MYO7B: variants seen among roughly 807,000 people sequenced by gnomAD.
The protein encoded by MYO7B is unconventional myosin-VIIb.
MYO7B carries 212 observed loss-of-function variants against 259.7 expected under a neutral mutation model. The ratio of observed to expected loss-of-function variants is 0.82; its 90% CI spans 0.73 to 0.91. MYO7B has a LOEUF of 0.91. MYO7B is among the 40% of genes least tolerant of loss of function. The pLI is 0.00. For synonymous variants in MYO7B, 1,197 were observed against 1,166.4 expected, an observed-to-expected ratio of 1.03 and a Z score of -0.54; for missense variants, 2,732 against 2,813.5, an observed-to-expected ratio of 0.97 and a Z score of 0.66.
At chr2:127,632,060 G>A (rs1192276880) in intron 38 of MYO7B, among the ~76,000 whole-genome samples, 186 bp from the exon 39 acceptor site, 4 of 152,230 alleles carry the variant, frequency 2.6e-5, no homozygotes, top group Non-Finnish European at 5.9e-5. Flanking sequence ...CCCCCATCTT[G>A]AGGGTGTGAA....
At position 127,614,749 on chromosome 2, in the gene MYO7B, A is replaced by G. The variant is rs1680507416; in HGVS notation, c.3398+2146A>G. ...ATGGGCCACAGATCTCTCTATCCCC[A>G]TGAAGTCCCTTCCAGGAATCACATT... On this transcript the variant is annotated intron_variant, in intron 26 of 47. Transcript: ENST00000409816. The surrounding 1 kb of genome is among the most constrained non-coding windows in gnomAD (Gnocchi z 4.6). 6.6e-6 allele frequency among the ~76,000 whole-genome samples: 1 copy of G among 152,130 alleles called. No individual in the cohort carries two copies. Among genetic ancestry groups the G allele is most frequent in the African/African-American group, 2.4e-5 (1 of 41,438 alleles).
At chr2:127,551,638 T>A (rs910064122) in intron 1 of MYO7B, among the ~76,000 whole-genome samples, 4 of 152,180 alleles carry the variant, frequency 2.6e-5, no homozygotes, top group African/African-American at 9.7e-5. Context: ...CAGTAATTGA[T>A]AAAGCAAGGC....
At chr2:127,571,510 C>T (rs1326011419) in intron 6 of MYO7B, among the ~76,000 whole-genome samples, 3 of 84,742 alleles carry the variant, frequency 3.5e-5, no homozygotes, top group East Asian at 4.5e-4. Flanking sequence ...GACGGAGTTT[C>T]GCTCTTGTTG....
intron 35 of MYO7B, among the ~76,000 whole-genome samples, chr2:127,630,065 G>T (rs768252119): frequency 1.3e-5 from 2 of 152,168 alleles, no homozygotes; most frequent in Admixed American, 1.3e-4. Context: ...CATCATGGGG[G>T]TGTCCGGGGG....
At chr2:127,625,046 T>C (rs1425652343) in intron 30 of MYO7B, among the ~76,000 whole-genome samples, 1 of 151,942 alleles carries the variant, frequency 6.6e-6, no homozygotes, top group East Asian at 1.9e-4. Flanking sequence ...GGGCTACTGG[T>C]CTCCCTTGAC....
At chr2:127,587,991 G>T (rs1051182153) in intron 14 of MYO7B, among the ~76,000 whole-genome samples, 14 of 152,140 alleles carry the variant, frequency 9.2e-5, no homozygotes, top group Non-Finnish European at 1.6e-4. Context: ...TGATGTATAG[G>T]GTGTTAGGAC....
rs146159760 is a variant in MYO7B, at chr2:127,577,554, C to A, written c.850-579C>A. The stretch of plus-strand genomic sequence containing the variant: ...TTCTCAACACCCACCCCAGCCTCCC[C>A]GCAGCCCTGTCCCTGCCTCCCCACC... On this transcript the variant is annotated intron_variant, in intron 8 of 47. Transcript: ENST00000409816. This position sits in a 1 kb window ranked among gnomAD's most constrained non-coding sequence, Gnocchi z 5.2. Among the ~76,000 whole-genome samples, 1 of 152,170 alleles carries A rather than the reference C, an allele frequency of 6.6e-6. No homozygotes were observed.
intron 26 of MYO7B, among the ~76,000 whole-genome samples, chr2:127,617,427 G>A (rs1481259270): frequency 6.7e-6 from 1 of 150,368 alleles, no homozygotes; most frequent in Non-Finnish European, 1.5e-5. Context: ...GTACCTCTAG[G>A]ACACTGACCA....
chr2:127,571,543 C>T (rs1042696837), intron 6 of MYO7B, among the ~76,000 whole-genome samples: 11 of 148,976 alleles, frequency 7.4e-5, no homozygotes, highest in East Asian at 2.0e-4. Context: ...CACAATGGCA[C>T]GATCTCGGCT....
chr2:127,541,652 A>G (rs756563557), intron 1 of MYO7B, among the ~76,000 whole-genome samples: 2 of 152,218 alleles, frequency 1.3e-5, no homozygotes, highest in Non-Finnish European at 1.5e-5. Context: ...GTGTGTGTAC[A>G]TGGTGGGGAG....
intron 14 of MYO7B, among the ~76,000 whole-genome samples, chr2:127,588,041 A>G (rs1487673735): frequency 6.6e-6 from 1 of 152,222 alleles, no homozygotes; most frequent in African/African-American, 2.4e-5. Context: ...TTAGCCCATG[A>G]CACTGCCCCT....
At chr2:127,550,013 C>A (rs1693387307) in intron 1 of MYO7B, among the ~76,000 whole-genome samples, 1 of 152,190 alleles carries the variant, frequency 6.6e-6, no homozygotes, top group African/African-American at 2.4e-5. Context: ...ACCATAGCTC[C>A]TGGTACTTTT....
At chr2:127,564,562 T>G (rs1010784201) in intron 3 of MYO7B, among the ~76,000 whole-genome samples, 3 of 151,674 alleles carry the variant, frequency 2.0e-5, no homozygotes, top group African/African-American at 7.3e-5. Context: ...GAGGAAGGTG[T>G]GTGGAGGGGC....
At chr2:127,580,642 C>A in intron 9 of MYO7B, 104 bp from the exon 10 acceptor site, 1 of 1,120,286 alleles carries the variant, frequency 8.9e-7, no homozygotes, top group Non-Finnish European at 1.3e-6. Context: ...GGGCAGCTGT[C>A]CTCCTGAGTG....
rs776583596 is a variant in MYO7B at position 127,607,471 on chromosome 2, C to A, written c.2643+47C>A. The A allele has an allele frequency of 5.9e-6, 9 of 1,525,320 alleles. No individual in the cohort carries two copies. Among genetic ancestry groups the A allele is most frequent in the Non-Finnish European group, 8.0e-6 (9 of 1,127,632 alleles). The allele number at this position is 1,525,320 out of a possible 1,614,324, so 94.5% of individuals were successfully genotyped here. On this transcript the variant is annotated intron_variant, in intron 21 of 47. Transcript: ENST00000409816. This position sits in a 1 kb window ranked among gnomAD's most constrained non-coding sequence, Gnocchi z 4.4. ...TGGGCAGGTGGGGCTGGCTGGGGCC[C>A]CAGTGGGTGAGGGCAAGAAGGAGTG...
chr2:127,566,940 C>T, intron 5 of MYO7B, 113 bp downstream of exon 5: 1 of 1,145,900 alleles, frequency 8.7e-7, no homozygotes, highest in Non-Finnish European at 1.2e-6. Context: ...GGCACACACC[C>T]ATCTCCACAG....
chr2:127,596,029 G>T (rs945681429), intron 18 of MYO7B, among the ~76,000 whole-genome samples: 1 of 152,074 alleles, frequency 6.6e-6, no homozygotes, highest in African/African-American at 2.4e-5. Flanking sequence ...TTTCTGTCTC[G>T]ATGATCTGTC....
intron 5 of MYO7B, among the ~76,000 whole-genome samples, chr2:127,569,546 G>C (rs532367489): frequency 6.6e-6 from 1 of 152,154 alleles, no homozygotes; most frequent in South Asian, 2.1e-4. Context: ...AATCAGATCC[G>C]AGTGTGCCAA....
rs141069626 is a variant in MYO7B at position 127,625,529 on chromosome 2, C to T, written c.4209C>T (p.Cys1403=). ...DRWASLVTAA[C]AKAPYTQKQV... Reference sequence around the variant, plus strand: ...GGGCGAGCCTCGTCACTGCCGCCTGCGCCAAGGTCAGCCTGCATGCAGCTC... The same window carrying T: ...GGGCGAGCCTCGTCACTGCCGCCTGTGCCAAGGTCAGCCTGCATGCAGCTC... The change falls in exon 31 of 48, where the codon TGC becomes TGT. Residue 1403 remains cysteine, a synonymous_variant. Transcript: ENST00000409816. The T allele has an allele frequency of 2.5e-4, 402 of 1,598,830 alleles. 1 individual carries two copies. The African/African-American group carries it at 4.7e-3, about 19-fold the overall frequency.
Sources: allele counts gnomAD v4.1 joint callset (sites outside exome capture counted in the v4.1 genomes callset), GRCh38; gene constraint gnomAD v4.1.1; non-coding constraint Gnocchi (gnomAD v3.1); transcripts MANE v1.5; gene names NCBI Gene and HGNC (gene_info 2026-07-23, HGNC 2026-07-21).